LNPEP: variants seen among roughly 807,000 people sequenced by gnomAD.
LNPEP encodes leucyl and cystinyl aminopeptidase, also known as leucyl-cystinyl aminopeptidase.
A neutral mutation model predicts 120.6 loss-of-function variants in LNPEP; 64 were observed. The observed-to-expected ratio is 0.53, with a 90% CI of 0.43 to 0.65. The LOEUF (loss-of-function observed/expected upper bound fraction) is 0.65, where lower values mean the gene tolerates loss of function less well. Ranked by LOEUF, LNPEP falls within the 30% of genes least tolerant of loss-of-function variation. The pLI, the probability that LNPEP is intolerant of heterozygous loss-of-function variation, is 0.00. For synonymous variants in LNPEP, 435 were observed against 425.4 expected (o/e 1.02, Z -0.28); for missense variants, 1,057 against 1,200.0 (o/e 0.88, Z 1.76).
chr5:96,961,166 T>G (rs924825229), intron 1 of LNPEP, among the ~76,000 whole-genome samples: 4 of 152,118 alleles, frequency 2.6e-5, no homozygotes, highest in Admixed American at 2.6e-4. Flanking sequence ...TTGAAAAGGA[T>G]TCACCTTTCA....
At chr5:96,987,086 T>C (rs1790260301) in intron 4 of LNPEP, among the ~76,000 whole-genome samples, 1 of 152,212 alleles carries the variant, frequency 6.6e-6, no homozygotes, top group Admixed American at 6.5e-5. Context: ...ACATATTCGA[T>C]AGCTCTAGGT....
chr5:96,963,615 T>C (rs1284336427), intron 1 of LNPEP, among the ~76,000 whole-genome samples: 3 of 152,194 alleles, frequency 2.0e-5, no homozygotes, highest in Admixed American at 1.3e-4. Context: ...AAGCCTAGGA[T>C]TGGACATTCC....
At chr5:96,949,617 C>G (rs1789277332) in intron 1 of LNPEP, among the ~76,000 whole-genome samples, 2 of 152,164 alleles carry the variant, frequency 1.3e-5, no homozygotes, top group Admixed American at 1.3e-4. Flanking sequence ...TAATTCTGGC[C>G]CAGGTATGCT....
At chr5:97,013,931 G>A in intron 12 of LNPEP, 100 bp downstream of exon 12, 1 of 839,322 alleles carries the variant, frequency 1.2e-6, no homozygotes, top group Non-Finnish European at 1.8e-6. Flanking sequence ...AGCATGTATT[G>A]GTTGGTACAA....
intron 1 of LNPEP, chr5:96,942,975 C>A: frequency 6.2e-6 from 1 of 162,570 alleles, no homozygotes. Flanking sequence ...GGAAAAGAAT[C>A]TAAAGTGATA....
At chr5:97,009,446 T>C (rs1286988112) in intron 11 of LNPEP, among the ~76,000 whole-genome samples, 2 of 152,216 alleles carry the variant, frequency 1.3e-5, no homozygotes, top group African/African-American at 4.8e-5. Flanking sequence ...AAAAACTTAA[T>C]GAATTAGTAA....
intron 2 of LNPEP, among the ~76,000 whole-genome samples, chr5:96,984,177 AT>A (rs1372150881): frequency 1.3e-5 from 2 of 152,222 alleles, no homozygotes; most frequent in East Asian, 3.9e-4. Context: ...GAGACTTTTT[AT>A]TTCTATAACC....
intron 15 of LNPEP, among the ~76,000 whole-genome samples, chr5:97,025,893 C>T (rs781298541): frequency 3.3e-5 from 5 of 152,100 alleles, no homozygotes; most frequent in Non-Finnish European, 5.9e-5. Flanking sequence ...TAATCCATCA[C>T]GTTTTGTTGG....
intron 1 of LNPEP, chr5:96,936,974 C>G (rs1196287098): frequency 6.6e-6 from 1 of 152,276 alleles, no homozygotes; most frequent in African/African-American, 2.4e-5. Context: ...AGAACCATGG[C>G]TTTTGTGCGG....
At chr5:96,980,626 T>C (rs1790099926) in intron 2 of LNPEP, among the ~76,000 whole-genome samples, 4 of 152,178 alleles carry the variant, frequency 2.6e-5, no homozygotes. Flanking sequence ...AGCATGTAGT[T>C]TGAAATTCTG....
At chr5:96,946,586 G>A (rs1252506507) in intron 1 of LNPEP, among the ~76,000 whole-genome samples, 2 of 152,132 alleles carry the variant, frequency 1.3e-5, no homozygotes, top group South Asian at 2.1e-4. Context: ...GCACATCATC[G>A]AATGACAATG....
intron 1 of LNPEP, among the ~76,000 whole-genome samples, chr5:96,946,665 G>A (rs1023368558): frequency 2.0e-5 from 3 of 152,106 alleles, no homozygotes; most frequent in African/African-American, 4.8e-5. Context: ...TTTTTAAGTT[G>A]GTTAATGATA....
intron 1 of LNPEP, among the ~76,000 whole-genome samples, chr5:96,976,490 G>T (rs1054206982): frequency 7.2e-5 from 11 of 152,094 alleles, no homozygotes; most frequent in African/African-American, 2.4e-4. Flanking sequence ...GCTTTAAATG[G>T]CATGGCAGAA....
chr5:97,011,063 A>G, intron 11 of LNPEP: 1 of 985,450 alleles, frequency 1.0e-6, no homozygotes, highest in Non-Finnish European at 1.2e-6. Context: ...CTAGGTTTAC[A>G]ACATGGCAAG....
At chr5:97,008,635 A>T (rs1303161143) in intron 11 of LNPEP, among the ~76,000 whole-genome samples, 2 of 140,418 alleles carry the variant, frequency 1.4e-5, no homozygotes, top group East Asian at 2.2e-4. Flanking sequence ...TACAGGCATG[A>T]GCCACCGCAC....
chr5:96,989,663 G>A (rs2112622672), intron 4 of LNPEP, among the ~76,000 whole-genome samples: 1 of 151,884 alleles, frequency 6.6e-6, no homozygotes, highest in Non-Finnish European at 1.5e-5. Context: ...CTCTTACCAA[G>A]TCCAGAATGC....
At chr5:97,006,933 G>A (rs1041964331) in intron 11 of LNPEP, among the ~76,000 whole-genome samples, 1 of 152,152 alleles carries the variant, frequency 6.6e-6, no homozygotes, top group African/African-American at 2.4e-5. Context: ...TGGATTTAGA[G>A]TAAATAGTTA....
Position 97,033,409 on chromosome 5 carries a change from C to G in LNPEP, c.*4876C>G, listed in dbSNP as rs562455781. The G allele has an allele frequency of 1.3e-5, 2 of 152,276 alleles. No individual in the cohort carries two copies. The highest frequency in any genetic ancestry group is 3.9e-4 in the East Asian group (2 of 5,176). 9.4% of individuals were successfully genotyped at this position (152,276 alleles called of 1,614,324 possible). On this transcript the variant is annotated 3_prime_UTR_variant, in exon 18 of 18. Coordinates refer to ENST00000231368, the MANE Select transcript of LNPEP (RefSeq NM_005575.3). ...AAGGTACCTAATGAACCATGGAGTT[C>G]CGGATGTATAACAGTCTCCTCTTTT...
In LNPEP at chr5:96,985,140, T is replaced by C; in HGVS notation, c.921T>C (p.Asp307=). The C allele has an allele frequency of 6.2e-7, 1 of 1,614,010 alleles. No homozygotes were observed. The highest frequency in any genetic ancestry group is 8.5e-7 in the Non-Finnish European group (1 of 1,179,904). ...CAAGATCTGCTTTTCCTTGTTTTGA[T>C]GAACCAGCATTTAAAGCCACTTTTA... ...LAARSAFPCF[D]EPAFKATFII... The change falls in exon 3 of 18, where the codon GAT becomes GAC. Residue 307 remains aspartate (D), a synonymous_variant. Coordinates refer to ENST00000231368, the MANE Select transcript of LNPEP (RefSeq NM_005575.3).
Sources: allele counts gnomAD v4.1 joint callset (sites outside exome capture counted in the v4.1 genomes callset), GRCh38; gene constraint gnomAD v4.1.1; transcripts MANE v1.5; gene names NCBI Gene and HGNC (gene_info 2026-07-23, HGNC 2026-07-21).